The following GID4 variants were observed in gnomAD, a reference collection of about 807,000 sequenced individuals.
GID4 encodes glucose-induced degradation protein 4 homolog.
GID4 carries 7 observed loss-of-function variants against 32.4 expected under a neutral mutation model. The ratio of observed to expected loss-of-function variants is 0.22; its 90% confidence interval spans 0.12 to 0.41. The LOEUF is 0.41. GID4 is among the 10% of genes least tolerant of loss of function. GID4 has a pLI of 1.00. For synonymous variants in GID4, 166 were observed against 170.0 expected, an observed-to-expected ratio of 0.98 and a Z score of 0.18; for missense variants, 309 against 400.0, an observed-to-expected ratio of 0.77 and a Z score of 1.94.
At chr17:18,052,580 C>G (rs2044922952) in intron 2 of GID4, among the ~76,000 whole-genome samples, 1 of 152,230 alleles carries the variant, frequency 6.6e-6, no homozygotes, top group African/African-American at 2.4e-5. Flanking sequence ...ATGCTCCTGG[C>G]AGACACCAGG....
Position 18,064,282 on chromosome 17 carries a change from G to A in GID4, c.840-898G>A, listed in dbSNP as rs577956569. Among the ~76,000 whole-genome samples the A allele has an allele frequency of 1.2e-4, 18 of 152,164 alleles. No homozygotes were observed. The South Asian group carries it at 3.3e-3, about 28-fold the overall frequency. ...AGCTGCACCATTTTGCATTCCTACC[G>A]GCATGTATGAGGGTTCCAGTTTCTC... On this transcript the variant is annotated intron_variant, in intron 5 of 5. Transcript: ENST00000268719.
chr17:18,055,489 T>TA (rs869268155), intron 3 of GID4, among the ~76,000 whole-genome samples: 3 of 152,124 alleles, frequency 2.0e-5, no homozygotes, highest in East Asian at 1.9e-4. Context: ...TTATTTTATT[T>TA]AAAAAAAATT....
intron 1 of GID4, among the ~76,000 whole-genome samples, chr17:18,041,096 G>C (rs1050956487): frequency 6.6e-6 from 1 of 151,580 alleles, no homozygotes; most frequent in Non-Finnish European, 1.5e-5. Flanking sequence ...CCTTCCCTTT[G>C]CCCTTTTTTT....
At chr17:18,047,017 A>C (rs2044860869) in intron 2 of GID4, among the ~76,000 whole-genome samples, 1 of 151,950 alleles carries the variant, frequency 6.6e-6, no homozygotes, top group Non-Finnish European at 1.5e-5. Context: ...AAAATGACAG[A>C]CTCAAATATG....
intron 3 of GID4, among the ~76,000 whole-genome samples, chr17:18,055,000 T>C (rs557754728): frequency 1.5e-3 from 221 of 151,860 alleles, no homozygotes; most frequent in African/African-American, 5.2e-3. Context: ...TGAAACCTCG[T>C]CTCTACCAAA....
chr17:18,060,836 C>G (rs2045012242), intron 4 of GID4, among the ~76,000 whole-genome samples: 1 of 152,196 alleles, frequency 6.6e-6, no homozygotes, highest in African/African-American at 2.4e-5. Flanking sequence ...CGTGTTCAAG[C>G]AATTCTCCTG....
intron 4 of GID4, among the ~76,000 whole-genome samples, chr17:18,060,102 A>G (rs549646911): frequency 0.012 from 1,797 of 148,216 alleles, 35 homozygotes; most frequent in African/African-American, 0.033. Context: ...AAAAAAAAAA[A>G]AAAAGAAATG....
chr17:18,046,965 A>C (rs182593245), intron 2 of GID4, among the ~76,000 whole-genome samples: 1 of 151,954 alleles, frequency 6.6e-6, no homozygotes, highest in Non-Finnish European at 1.5e-5. Flanking sequence ...TGTCTAAGAC[A>C]ATCAGTGGAC....
At chr17:18,057,339 G>GAT in intron 3 of GID4, 4 of 266,572 alleles carry the variant, frequency 1.5e-5, no homozygotes, top group South Asian at 4.9e-5. Flanking sequence ...GGCTGAGGCA[G>GAT]GAGAGTCACT....
Position 18,039,960 on chromosome 17 carries a change from C to T in GID4, c.438+58C>T. 2.3e-6 allele frequency: 3 copies of T among 1,292,132 alleles called. No individual in the cohort carries two copies. The highest frequency in any genetic ancestry group is 5.4e-5 in the South Asian group (2 of 36,900). 80.0% of individuals were successfully genotyped at this position (1,292,132 alleles called of 1,614,324 possible). A position where few individuals can be genotyped will look rare whatever the true frequency, so the allele number is the denominator to read the frequency against. Reference sequence around the variant, plus strand: ...CTCCTCGCGGCGCTCACGGGCCGTGCCCGCTTCGGCTCCTCGACCCCGCAG... The same window carrying T: ...CTCCTCGCGGCGCTCACGGGCCGTGTCCGCTTCGGCTCCTCGACCCCGCAG... On this transcript the variant is annotated intron_variant, in intron 1 of 5. Coordinates refer to ENST00000268719, the MANE Select transcript of GID4 (RefSeq NM_024052.5). The surrounding 1 kb of genome is among the most constrained non-coding windows in gnomAD (Gnocchi z 5.3).
chr17:18,064,545 G>A (rs1004899415), intron 5 of GID4, among the ~76,000 whole-genome samples: 5 of 152,104 alleles, frequency 3.3e-5, no homozygotes, highest in African/African-American at 1.2e-4. Context: ...ATGTGCCCGA[G>A]GTTGTCATCC....
chr17:18,064,140 G>T (rs760944766), intron 5 of GID4, among the ~76,000 whole-genome samples: 4 of 152,160 alleles, frequency 2.6e-5, no homozygotes, highest in African/African-American at 7.2e-5. Context: ...GTGAACATGG[G>T]TATATCTGAG....
chr17:18,065,762 C>T lies in GID4; in HGVS notation c.*519C>T, dbSNP rs1205666946. 5 of 191,452 alleles carry T rather than the reference C, an allele frequency of 2.6e-5. No individual in the cohort carries two copies. The highest frequency in any genetic ancestry group is 5.4e-5 in the Non-Finnish European group (5 of 92,180). 11.9% of individuals were successfully genotyped at this position (191,452 alleles called of 1,614,324 possible). ...GCCGCATCATCGGCCACCAAGGGCA[C>T]AAGAGGCGGAGGCTCCAGTCCCTGC... On this transcript the variant is annotated 3_prime_UTR_variant, in exon 6 of 6. Coordinates refer to ENST00000268719, the MANE Select transcript of GID4 (RefSeq NM_024052.5).
intron 3 of GID4, among the ~76,000 whole-genome samples, chr17:18,056,163 T>G (rs1018769979): frequency 3.3e-5 from 5 of 152,188 alleles, no homozygotes; most frequent in African/African-American, 1.2e-4. Context: ...CCCCAAGCTG[T>G]TTTTTACTTG....
intron 2 of GID4, among the ~76,000 whole-genome samples, chr17:18,048,871 G>C (rs915166575): frequency 4.6e-5 from 7 of 151,574 alleles, no homozygotes; most frequent in African/African-American, 1.7e-4. Context: ...TTGAACTCCT[G>C]ACCTCAGATG....
chr17:18,057,015 A>G (rs1326201884), intron 3 of GID4: 1 of 1,546,482 alleles, frequency 6.5e-7, no homozygotes, highest in Non-Finnish European at 8.7e-7. Context: ...TCATTTTTTC[A>G]TTATAAACTA....
chr17:18,053,607 ACT>A (rs2044936303), intron 2 of GID4, among the ~76,000 whole-genome samples: 1 of 151,964 alleles, frequency 6.6e-6, no homozygotes, highest in East Asian at 1.9e-4. Flanking sequence ...ACAGAGCAAG[ACT>A]CTGTCTCAGG....
At chr17:18,056,982 T>C (rs2044974587) in intron 3 of GID4, 2 of 1,550,160 alleles carry the variant, frequency 1.3e-6, no homozygotes, top group Non-Finnish European at 1.7e-6. Context: ...ATTTACAATG[T>C]CTAATACACT....
At chr17:18,040,689 C>T (rs970122182) in intron 1 of GID4, among the ~76,000 whole-genome samples, 4 of 152,220 alleles carry the variant, frequency 2.6e-5, no homozygotes, top group African/African-American at 4.8e-5. Context: ...GTCTTCCTGG[C>T]CTCTATCCAG....
Sources: allele counts gnomAD v4.1 joint callset (sites outside exome capture counted in the v4.1 genomes callset), GRCh38; gene constraint gnomAD v4.1.1; non-coding constraint Gnocchi (gnomAD v3.1); transcripts MANE v1.5; gene names NCBI Gene and HGNC (gene_info 2026-07-23, HGNC 2026-07-21).